Variants in CBLL1 observed in about 807,000 individuals in gnomAD.
CBLL1 encodes Cbl proto-oncogene like 1, also known as E3 ubiquitin-protein ligase Hakai.
Under a neutral mutation model 44.9 loss-of-function variants are expected in CBLL1, and 4 were observed. The observed-to-expected ratio is 0.09, with a 90% CI of 0.04 to 0.20. The LOEUF (loss-of-function observed/expected upper bound fraction) is 0.20. CBLL1 is among the 10% of genes least tolerant of loss of function. The pLI is 1.00. For synonymous variants in CBLL1, 235 were observed against 202.2 expected (o/e 1.16, Z -1.38); for missense variants, 569 against 636.7 (o/e 0.89, Z 1.14).
At position 107,744,192 on chromosome 7, in the gene CBLL1, C is replaced by T. The variant is rs1488290284; in HGVS notation, c.13+16C>T. Reference sequence around the variant, plus strand: ...GATCACACTGGTAAGGAGGCGGAGGCAGTGGGGGTCCCGGTTCCAAGCCCC... The same window carrying T: ...GATCACACTGGTAAGGAGGCGGAGGTAGTGGGGGTCCCGGTTCCAAGCCCC... On this transcript the variant is annotated intron_variant, in intron 1 of 5. Coordinates refer to ENST00000440859, the MANE Select transcript of CBLL1 (RefSeq NM_024814.4). 3 of 1,546,904 alleles carry T rather than the reference C, an allele frequency of 1.9e-6. No homozygotes were observed. Among genetic ancestry groups the T allele is most frequent in the Admixed American group, 4.0e-5 (2 of 50,014 alleles).
chr7:107,749,151 A>G (rs1793152235), intron 2 of CBLL1, 104 bp downstream of exon 2: 1 of 950,768 alleles, frequency 1.1e-6, no homozygotes, highest in South Asian at 2.0e-5. Flanking sequence ...TACATATTCT[A>G]TTCATTCTTC....
chr7:107,753,203 C>T (rs1793381526), intron 2 of CBLL1, among the ~76,000 whole-genome samples: 1 of 152,106 alleles, frequency 6.6e-6, no homozygotes, highest in African/African-American at 2.4e-5. Context: ...GTAATATTCT[C>T]AATAATGAAG....
intron 1 of CBLL1, 124 bp downstream of exon 1, chr7:107,744,300 A>C: frequency 8.5e-7 from 1 of 1,177,524 alleles, no homozygotes; most frequent in East Asian, 3.1e-5. Context: ...AGTGAGAAGA[A>C]ATCTCACAGA....
rs1793725145 is a variant in CBLL1 at position 107,760,591 on chromosome 7, A to G, written c.*1413A>G. 6.6e-6 allele frequency: 1 copy of G among 152,288 alleles called. No homozygotes were observed. 9.4% of individuals were successfully genotyped at this position (152,288 alleles called of 1,614,324 possible). The stretch of plus-strand genomic sequence containing the variant: ...ATGTATAAATCAACATTCTTAGGAT[A>G]TTATTTATATCCTTTGAATAAATCC... On this transcript the variant is annotated 3_prime_UTR_variant, in exon 6 of 6. Transcript: ENST00000440859.
At position 107,748,974 on chromosome 7, in the gene CBLL1, C is replaced by T. The variant is rs1312467227; in HGVS notation, c.108C>T (p.Asn36=). Residue 36 remains asparagine (N), a synonymous_variant, in exon 2 of 6, where the codon AAC becomes AAT. Transcript: ENST00000440859. Reference sequence around the variant, plus strand: ...TAAAGCTCATCTCCAAACAAGCAAACAAAGCGAAACCTGCACCGCGAACTC... The same window carrying T: ...TAAAGCTCATCTCCAAACAAGCAAATAAAGCGAAACCTGCACCGCGAACTC... ...IPIKLISKQA[N]KAKPAPRTQR... is the part of the protein sequence containing the mutation. 1.2e-6 allele frequency: 2 copies of T among 1,614,114 alleles called. No individual in the cohort carries two copies. The highest frequency in any genetic ancestry group is 1.7e-6 in the Non-Finnish European group (2 of 1,180,002).
In CBLL1 at chr7:107,744,155, A is replaced by G. The variant is rs1473539495; in HGVS notation, c.-9A>G. 5 of 1,554,084 alleles carry G rather than the reference A, an allele frequency of 3.2e-6. No homozygotes were observed. The highest frequency in any genetic ancestry group is 4.4e-6 in the Non-Finnish European group (5 of 1,148,504). ...ACTTCCGCTCCCACTGTGCTCTGCG[A>G]GCCGAATCATGGATCACACTGGTAA... On this transcript the variant is annotated 5_prime_UTR_variant, in exon 1 of 6. Coordinates refer to ENST00000440859, the MANE Select transcript of CBLL1 (RefSeq NM_024814.4).
chr7:107,747,691 A>G (rs1584372601), intron 1 of CBLL1, among the ~76,000 whole-genome samples: 1 of 152,344 alleles, frequency 6.6e-6, no homozygotes, highest in African/African-American at 2.4e-5. Flanking sequence ...GTAGATTAAA[A>G]TAATCGTTAT....
chr7:107,759,316 T>C lies in CBLL1; in HGVS notation c.*138T>C, dbSNP rs1793672759. The C allele has an allele frequency of 1.3e-6, 1 of 745,732 alleles. No individual in the cohort carries two copies. Among genetic ancestry groups the C allele is most frequent in the Admixed American group, 3.0e-5 (1 of 33,560 alleles). The allele number at this position is 745,732 out of a possible 1,614,324, so 46.2% of individuals were successfully genotyped here. A position where few individuals can be genotyped will look rare whatever the true frequency, so the allele number is the denominator to read the frequency against. On this transcript the variant is annotated 3_prime_UTR_variant, in exon 6 of 6. Transcript: ENST00000440859. ...ACACATAGGGTCTTGTTTCTTAAAA[T>C]GGTTTTAAATCTTGACCTTAAGATT...
chr7:107,759,064 G>T lies in CBLL1; in HGVS notation c.1362G>T (p.Trp454Cys). 6.2e-7 allele frequency: 1 copy of T among 1,613,752 alleles called. No homozygotes were observed. The highest frequency in any genetic ancestry group is 8.5e-7 in the Non-Finnish European group (1 of 1,179,898). Residue 454 changes from tryptophan to cysteine, a missense_variant, in exon 6 of 6, where the codon TGG becomes TGT. Physicochemically the swap from Trp to Cys is radical, Grantham distance 215. Coordinates refer to ENST00000440859, the MANE Select transcript of CBLL1 (RefSeq NM_024814.4). ...CAGGGGGAATGAGTCCTGGTATATG[G>T]CCTGCACCAAGAGGGCCACCACCAC... The part of the protein sequence containing the change: ...TQPGGMSPGI[W>C]PAPRGPPPPP...
intron 2 of CBLL1, among the ~76,000 whole-genome samples, chr7:107,749,875 A>T (rs1186252601): frequency 6.6e-6 from 1 of 151,700 alleles, no homozygotes; most frequent in Non-Finnish European, 1.5e-5. Context: ...CTTTCTTCTG[A>T]GTTCTTTGTA....
intron 2 of CBLL1, among the ~76,000 whole-genome samples, chr7:107,752,826 A>G (rs545409298): frequency 9.5e-4 from 145 of 152,324 alleles, no homozygotes; most frequent in African/African-American, 3.2e-3. Flanking sequence ...TGTTTGGGTA[A>G]TTAATCAGGG....
intron 1 of CBLL1, chr7:107,744,919 G>GT (rs1323850596): frequency 2.0e-5 from 3 of 152,112 alleles, no homozygotes; most frequent in Admixed American, 2.0e-4. Flanking sequence ...AGTGCTCTTG[G>GT]AGTTATGTGC....
intron 2 of CBLL1, among the ~76,000 whole-genome samples, chr7:107,749,746 C>G (rs1210753710): frequency 1.3e-5 from 2 of 151,668 alleles, no homozygotes; most frequent in Non-Finnish European, 2.9e-5. Context: ...TTAGTTTTTA[C>G]TGCCATACAC....
At chr7:107,754,118 G>C (rs1793428126) in intron 4 of CBLL1, 140 bp downstream of exon 4, 2 of 417,538 alleles carry the variant, frequency 4.8e-6, no homozygotes, top group South Asian at 6.2e-5. Context: ...GGAAGTATTG[G>C]AATACTATGA....
chr7:107,746,405 AT>A (rs1293278477), intron 1 of CBLL1, among the ~76,000 whole-genome samples: 3 of 121,718 alleles, frequency 2.5e-5, no homozygotes, highest in African/African-American at 8.8e-5. Context: ...CTTCTTACCT[AT>A]TTTATTTTTT....
chr7:107,744,354 C>T (rs537829945), intron 1 of CBLL1, 178 bp downstream of exon 1: 5 of 752,458 alleles, frequency 6.6e-6, no homozygotes, highest in African/African-American at 5.6e-5. Flanking sequence ...CCTGGCCTAC[C>T]GTCTGGTGTG....
At chr7:107,749,721 T>A (rs1201656746) in intron 2 of CBLL1, among the ~76,000 whole-genome samples, 1 of 151,672 alleles carries the variant, frequency 6.6e-6, no homozygotes, top group Non-Finnish European at 1.5e-5. Flanking sequence ...AAAAAAATAA[T>A]AATAAAAAGG....
chr7:107,756,840 A>G (rs1036996406), intron 5 of CBLL1, among the ~76,000 whole-genome samples: 6 of 152,180 alleles, frequency 3.9e-5, no homozygotes, highest in Non-Finnish European at 7.4e-5. Flanking sequence ...CTTAGTAGCA[A>G]TTTTAGGACA....
intron 1 of CBLL1, among the ~76,000 whole-genome samples, chr7:107,745,406 A>C (rs1202907630): frequency 2.0e-5 from 3 of 152,208 alleles, no homozygotes; most frequent in Non-Finnish European, 2.9e-5. Flanking sequence ...GTAGGAAGAT[A>C]CAGTGAAGTC....
Sources: allele counts gnomAD v4.1 joint callset (sites outside exome capture counted in the v4.1 genomes callset), GRCh38; gene constraint gnomAD v4.1.1; transcripts MANE v1.5; gene names NCBI Gene and HGNC (gene_info 2026-07-23, HGNC 2026-07-21).